Variants in ZNF254 observed in about 807,000 individuals in gnomAD.
ZNF254 encodes the protein zinc finger protein 254.
A neutral mutation model predicts 12.4 loss-of-function variants in ZNF254; 10 were observed. The ratio of observed to expected loss-of-function variants is 0.80; its 90% CI spans 0.50 to 1.36. The LOEUF (loss-of-function observed/expected upper bound fraction) is 1.36. Among genes scored for constraint, ZNF254 ranks in the 40% most tolerant of loss-of-function variants. The pLI, the probability that ZNF254 is intolerant of heterozygous loss-of-function variation, is 0.00. For synonymous variants in ZNF254, 305 were observed against 253.4 expected, an observed-to-expected ratio of 1.20 and a Z score of -1.93; for missense variants, 996 against 763.9, an observed-to-expected ratio of 1.30 and a Z score of -3.58.
intron 2 of ZNF254, among the ~76,000 whole-genome samples, chr19:24,047,467 C>T (rs542861695): frequency 6.6e-6 from 1 of 151,870 alleles, no homozygotes; most frequent in African/African-American, 2.4e-5. Flanking sequence ...CGAGGCCTCG[C>T]TATGTTCCCA....
Position 24,127,028 on chromosome 19 carries a change from T to A in ZNF254, c.1028T>A (p.Met343Lys), listed in dbSNP as rs761023884. The A allele has an allele frequency of 6.2e-7, 1 of 1,613,612 alleles. No homozygotes were observed. The highest frequency in any genetic ancestry group is 1.3e-5 in the African/African-American group (1 of 74,856). ...TCAACACTAACTAGACATAAGAGGA[T>A]GCACACTGGAGAGAAACCCTACAAA... Reference protein sequence around the residue: ...WSSTLTRHKRMHTGEKPYKCE... With the variant: ...WSSTLTRHKRKHTGEKPYKCE... The change falls in exon 4 of 4, where the codon ATG (methionine) becomes AAG (lysine). Residue 343 changes from methionine (M) to lysine (K), a missense_variant. Physicochemically the swap from Met to Lys is moderately conservative, Grantham distance 95. Coordinates refer to ENST00000357002, the MANE Select transcript of ZNF254 (RefSeq NM_203282.4).
At chr19:24,096,083 G>A (rs1473488842) in intron 1 of ZNF254, among the ~76,000 whole-genome samples, 3 of 142,922 alleles carry the variant, frequency 2.1e-5, no homozygotes, top group Non-Finnish European at 4.6e-5. Context: ...TTTTTAAGAT[G>A]GAGTTTTACT....
In ZNF254 at chr19:24,127,259, A is replaced by G. The variant is rs760502306; in HGVS notation, c.1259A>G (p.Asn420Ser). 5.0e-6 allele frequency: 8 copies of G among 1,612,124 alleles called. No individual in the cohort carries two copies. The highest frequency in any genetic ancestry group is 6.8e-6 in the Non-Finnish European group (8 of 1,179,458). The change falls in exon 4 of 4, where the codon AAT becomes AGT. Residue 420 changes from asparagine to serine, a missense_variant. By Grantham distance (46) the Asn-to-Ser change is conservative. Coordinates refer to ENST00000357002, the MANE Select transcript of ZNF254 (RefSeq NM_203282.4). ...GGCAAAGGTTTTAATCGATCTTCAA[A>G]TCTTACTACACATAAGATAATTCAT... ...ECGKGFNRSS[N>S]LTTHKIIHTG...
rs200312513 is a variant in ZNF254 at position 24,118,617 on chromosome 19, T to C, written c.254-7637T>C. Among the ~76,000 whole-genome samples the C allele has an allele frequency of 1.3e-4, 19 of 151,926 alleles. No homozygotes were observed. In the East Asian group the frequency reaches 2.9e-3, roughly 23 times the overall value. On this transcript the variant is annotated intron_variant, in intron 3 of 3. Transcript: ENST00000357002. ...TTTTTGAATATTGACTCCTATCACATGTGATTTGTAAATATTTTCACCCAT... is the reference window on the plus strand; with the variant it reads ...TTTTTGAATATTGACTCCTATCACACGTGATTTGTAAATATTTTCACCCAT...
At chr19:24,066,683 T>TAAAACAAAAC (rs74175784) in intron 2 of ZNF254, 14 of 145,920 alleles carry the variant, frequency 9.6e-5, no homozygotes, top group Non-Finnish European at 1.6e-4. Flanking sequence ...CTGTCTCTAC[T>TAAAACAAAAC]AAAACAAAAC....
chr19:24,085,574 C>T (rs1219046637), upstream of ZNF254, among the ~76,000 whole-genome samples: 3 of 151,316 alleles, frequency 2.0e-5, no homozygotes, highest in Non-Finnish European at 2.9e-5. Flanking sequence ...GAGTTTGAGA[C>T]CAGCCTGAAC....
chr19:24,121,904 G>A (rs138618828), intron 3 of ZNF254, among the ~76,000 whole-genome samples: 95 of 151,982 alleles, frequency 6.3e-4, no homozygotes, highest in African/African-American at 2.2e-3. Context: ...GTATAGGTTT[G>A]TTGTGAATGG....
chr19:24,068,518 T>G (rs1245672955), intron 2 of ZNF254, among the ~76,000 whole-genome samples: 1 of 152,044 alleles, frequency 6.6e-6, no homozygotes, highest in African/African-American at 2.4e-5. Context: ...CCAGGCTGGT[T>G]TCTAACTCCT....
In ZNF254 at chr19:24,100,679, TCTC is replaced by T. The variant is rs201393539; in HGVS notation, c.31-5260_31-5258del. On this transcript the variant is annotated intron_variant, in intron 1 of 3. Coordinates refer to ENST00000357002, the MANE Select transcript of ZNF254 (RefSeq NM_203282.4). Reference sequence around the variant, plus strand: ...TGACAAAGAAGTTTGTATGTCTCTCTCTCTTTTTTTTTTTTTGCCTTCACAAAT... The same window carrying T: ...TGACAAAGAAGTTTGTATGTCTCTCTTTTTTTTTTTTTTGCCTTCACAAAT... 2.1e-3 allele frequency among the ~76,000 whole-genome samples: 260 copies of T among 123,162 alleles called. 2 individuals are homozygous for T. The highest frequency in any genetic ancestry group is 6.8e-3 in the African/African-American group (200 of 29,530). 80.8% of individuals were successfully genotyped at this position (123,162 alleles called of 152,430 possible). A position where few individuals can be genotyped will look rare whatever the true frequency, so the allele number is the denominator to read the frequency against.
At chr19:24,104,820 G>A (rs1801562033) in intron 1 of ZNF254, 1 of 152,042 alleles carries the variant, frequency 6.6e-6, no homozygotes, top group South Asian at 2.1e-4. Context: ...TTCTATCTGT[G>A]TTCTTTATTA....
chr19:24,056,351 ACT>A (rs1189433450), intron 2 of ZNF254, among the ~76,000 whole-genome samples: 2 of 151,956 alleles, frequency 1.3e-5, no homozygotes, highest in African/African-American at 2.4e-5. Flanking sequence ...AGGTGTTATG[ACT>A]CTCTTCTCCT....
At chr19:24,054,806 G>T (rs937331921) in intron 2 of ZNF254, among the ~76,000 whole-genome samples, 19 of 152,272 alleles carry the variant, frequency 1.2e-4, no homozygotes, top group African/African-American at 4.6e-4. Flanking sequence ...GAGAGATGTT[G>T]ACTAATACCT....
At chr19:24,119,019 G>A (rs1974299197) in intron 3 of ZNF254, among the ~76,000 whole-genome samples, 1 of 151,936 alleles carries the variant, frequency 6.6e-6, no homozygotes, top group African/African-American at 2.4e-5. Context: ...GGCTGAGGAA[G>A]GAGAATAACT....
intron 1 of ZNF254, among the ~76,000 whole-genome samples, chr19:24,042,163 ACT>A (rs1411312251): frequency 1.3e-5 from 2 of 151,804 alleles, no homozygotes; most frequent in East Asian, 1.9e-4. Flanking sequence ...ACCAGTCGAC[ACT>A]CTGTATCTAG....
At chr19:24,062,917 C>T (rs1971130257) in intron 2 of ZNF254, among the ~76,000 whole-genome samples, 1 of 152,170 alleles carries the variant, frequency 6.6e-6, no homozygotes, top group Non-Finnish European at 1.5e-5. Context: ...TCTCCTGCCT[C>T]AGCCTCCTGA....
intron 3 of ZNF254, among the ~76,000 whole-genome samples, chr19:24,115,194 T>C (rs1973958485): frequency 6.6e-6 from 1 of 152,020 alleles, no homozygotes; most frequent in Non-Finnish European, 1.5e-5. Context: ...CAAAGGACTA[T>C]AAATCATGCT....
intron 3 of ZNF254, among the ~76,000 whole-genome samples, chr19:24,122,776 TTTTACCTA>T (rs1262424948): frequency 2.0e-5 from 3 of 151,690 alleles, no homozygotes; most frequent in African/African-American, 7.3e-5. Context: ...TCTGCCTTGC[TTTTACCTA>T]TTGGCTTACA....
At chr19:24,115,537 TG>T (rs1973994640) in intron 3 of ZNF254, among the ~76,000 whole-genome samples, 1 of 144,826 alleles carries the variant, frequency 6.9e-6, no homozygotes, top group African/African-American at 2.7e-5. Flanking sequence ...GATGGGGGGA[TG>T]GGGGAGGGAT....
chr19:24,087,609 A>T (rs931150238), intron 1 of ZNF254, among the ~76,000 whole-genome samples: 1 of 152,166 alleles, frequency 6.6e-6, no homozygotes, highest in Non-Finnish European at 1.5e-5. Context: ...CAGATTGTTC[A>T]GGGACCCGGG....
Sources: gnomAD v4.1 joint callset for allele counts (sites outside exome capture counted in the v4.1 genomes callset) on GRCh38, gnomAD v4.1.1 for gene constraint, MANE v1.5 for transcripts, NCBI Gene and HGNC (gene_info 2026-07-23, HGNC 2026-07-21) for gene names.